AKAP13: variants seen among roughly 807,000 people sequenced by gnomAD.
AKAP13 encodes A-kinase anchoring protein 13, also known as A-kinase anchor protein 13.
Under a neutral mutation model 264.5 loss-of-function variants are expected in AKAP13, and 80 were observed. The ratio of observed to expected loss-of-function variants is 0.30; its 90% CI spans 0.25 to 0.36. The LOEUF (loss-of-function observed/expected upper bound fraction) is 0.36, where lower values mean the gene tolerates loss of function less well. Ranked by LOEUF, AKAP13 falls within the 10% of genes least tolerant of loss-of-function variation. The probability of loss-of-function intolerance (pLI) is 1.00; values close to 1 mark genes in which losing one functional copy is unlikely to be tolerated. For missense variants in AKAP13, 3,712 were observed against 3,435.2 expected (o/e 1.08, Z -2.01); for synonymous variants, 1,380 against 1,250.2 (o/e 1.10, Z -2.19).
chr15:85,490,301 G>A (rs549753364), intron 2 of AKAP13, among the ~76,000 whole-genome samples: 2 of 152,206 alleles, frequency 1.3e-5, no homozygotes, highest in Non-Finnish European at 2.9e-5. Flanking sequence ...GAGTGTGAGT[G>A]ACAGCTGATG....
At chr15:85,477,651 A>AAAAAAAG (rs1485530396) in intron 1 of AKAP13, among the ~76,000 whole-genome samples, 1 of 151,776 alleles carries the variant, frequency 6.6e-6, no homozygotes, top group African/African-American at 2.4e-5. Flanking sequence ...AAAAAAAAAA[A>AAAAAAAG]AAAAAAAGGC....
intron 8 of AKAP13, among the ~76,000 whole-genome samples, chr15:85,603,085 A>G (rs1286006812): frequency 6.6e-6 from 1 of 152,254 alleles, no homozygotes; most frequent in Admixed American, 6.5e-5. Flanking sequence ...CTTGAGAAGC[A>G]GGTTCTAAGA....
intron 1 of AKAP13, among the ~76,000 whole-genome samples, chr15:85,436,806 G>T (rs926973324): frequency 6.6e-6 from 1 of 151,928 alleles, no homozygotes; most frequent in East Asian, 1.9e-4. Flanking sequence ...TCTCTGGGAC[G>T]CATTCAAAGC....
At chr15:85,542,910 G>A (rs2077618825) in intron 4 of AKAP13, among the ~76,000 whole-genome samples, 1 of 152,244 alleles carries the variant, frequency 6.6e-6, no homozygotes, top group South Asian at 2.1e-4. Flanking sequence ...GTGAGGTGTT[G>A]GTATCTCACT....
At chr15:85,440,847 G>T (rs1009733392) in intron 1 of AKAP13, among the ~76,000 whole-genome samples, 14 of 152,092 alleles carry the variant, frequency 9.2e-5, no homozygotes, top group Admixed American at 2.0e-4. Flanking sequence ...ATTAATTTTG[G>T]GAATGGCTTA....
intron 1 of AKAP13, among the ~76,000 whole-genome samples, chr15:85,394,017 C>T (rs1269216340): frequency 6.6e-6 from 1 of 152,178 alleles, no homozygotes; most frequent in African/African-American, 2.4e-5. Context: ...CCTTCACATA[C>T]AGAAGCTTTG....
intron 1 of AKAP13, among the ~76,000 whole-genome samples, chr15:85,456,352 C>T (rs1183620278): frequency 1.3e-5 from 2 of 152,188 alleles, no homozygotes. Context: ...GAAAATCAAT[C>T]CTGACTTCTT....
intron 1 of AKAP13, among the ~76,000 whole-genome samples, chr15:85,450,499 A>G (rs2074049861): frequency 6.6e-6 from 1 of 152,122 alleles, no homozygotes; most frequent in Non-Finnish European, 1.5e-5. Flanking sequence ...ATTTGGTGCT[A>G]TGAATTTTCC....
At chr15:85,524,930 A>G (rs2076972744) in intron 3 of AKAP13, among the ~76,000 whole-genome samples, 1 of 151,472 alleles carries the variant, frequency 6.6e-6, no homozygotes, top group Non-Finnish European at 1.5e-5. Flanking sequence ...GAAGTTGTAA[A>G]GGCCTTTTAA....
intron 1 of AKAP13, among the ~76,000 whole-genome samples, chr15:85,388,020 C>T (rs1281729836): frequency 3.5e-5 from 5 of 141,198 alleles, no homozygotes; most frequent in African/African-American, 1.3e-4. Context: ...TTCGTTTTCA[C>T]TTTGTATACT....
At chr15:85,472,299 G>A (rs964571211) in intron 1 of AKAP13, among the ~76,000 whole-genome samples, 13 of 150,816 alleles carry the variant, frequency 8.6e-5, no homozygotes, top group African/African-American at 3.2e-4. Context: ...TTGAGCCCAG[G>A]AGTTGGAGTC....
At chr15:85,453,179 G>A (rs776426962) in intron 1 of AKAP13, among the ~76,000 whole-genome samples, 2 of 152,192 alleles carry the variant, frequency 1.3e-5, no homozygotes, top group African/African-American at 2.4e-5. Context: ...GACCGAGGGT[G>A]GCAAGGGCAG....
Position 85,741,635 on chromosome 15 carries a change from G to A in AKAP13, c.8058+140G>A, listed in dbSNP as rs1032829224. The A allele has an allele frequency of 1.9e-5, 25 of 1,319,438 alleles. No homozygotes were observed. The Admixed American group carries it at 6.0e-4, about 32-fold the overall frequency. The allele number at this position is 1,319,438 out of a possible 1,614,324, so 81.7% of individuals were successfully genotyped here. A position where few individuals can be genotyped will look rare whatever the true frequency, so the allele number is the denominator to read the frequency against. Reference sequence around the variant, plus strand: ...TCATGCCTGTGATCCCAGCACTTTAGGAGGCTGAGGTGAGAGGGTAGCTTG... The same window carrying A: ...TCATGCCTGTGATCCCAGCACTTTAAGAGGCTGAGGTGAGAGGGTAGCTTG... On this transcript the variant is annotated intron_variant, in intron 35 of 36. Transcript: ENST00000394518.
At chr15:85,691,415 T>C (rs573618782) in intron 16 of AKAP13, among the ~76,000 whole-genome samples, 1 of 152,280 alleles carries the variant, frequency 6.6e-6, no homozygotes, top group African/African-American at 2.4e-5. Context: ...CCTGACTGCT[T>C]TAGATATTTC....
chr15:85,641,258 A>C (rs1310583148), intron 9 of AKAP13, among the ~76,000 whole-genome samples: 1 of 151,686 alleles, frequency 6.6e-6, no homozygotes, highest in Non-Finnish European at 1.5e-5. Flanking sequence ...CAGCCTGGCC[A>C]GTATGGTGAA....
chr15:85,385,827 TTTTG>T (rs1410256770), intron 1 of AKAP13, among the ~76,000 whole-genome samples: 6 of 152,216 alleles, frequency 3.9e-5, no homozygotes, highest in African/African-American at 1.2e-4. Context: ...TAATGTCTTT[TTTTG>T]TTTGTTTGTT....
intron 8 of AKAP13, among the ~76,000 whole-genome samples, chr15:85,597,218 C>T (rs2079857685): frequency 6.6e-6 from 1 of 152,164 alleles, no homozygotes; most frequent in African/African-American, 2.4e-5. Context: ...TTTTAGTGAG[C>T]ATGAGGCTTG....
At chr15:85,655,188 TC>T (rs2151518286) in intron 10 of AKAP13, among the ~76,000 whole-genome samples, 1 of 152,162 alleles carries the variant, frequency 6.6e-6, no homozygotes, top group African/African-American at 2.4e-5. Flanking sequence ...TGAGACTGTC[TC>T]AAAAACAAAC....
chr15:85,459,787 CTG>C (rs753324316), intron 1 of AKAP13, among the ~76,000 whole-genome samples: 1 of 152,222 alleles, frequency 6.6e-6, no homozygotes, highest in Non-Finnish European at 1.5e-5. Flanking sequence ...GCGTGAGCCA[CTG>C]TGCCTGGCCT....
Sources: gnomAD v4.1 joint callset for allele counts (sites outside exome capture counted in the v4.1 genomes callset) on GRCh38, gnomAD v4.1.1 for gene constraint, MANE v1.5 for transcripts, NCBI Gene and HGNC (gene_info 2026-07-23, HGNC 2026-07-21) for gene names.